The following ARAP2 variants were observed in gnomAD, a reference collection of about 807,000 sequenced individuals.
The protein encoded by ARAP2 is ArfGAP with RhoGAP domain, ankyrin repeat and PH domain 2.
Under a neutral mutation model 194.5 loss-of-function variants are expected in ARAP2, and 148 were observed. The observed-to-expected ratio is 0.76, with a 90% CI of 0.67 to 0.87. ARAP2 has a LOEUF of 0.87. Among genes scored for constraint, ARAP2 ranks in the 40% least tolerant of loss-of-function variants. ARAP2 has a pLI of 0.00. For missense variants in ARAP2, 2,128 were observed against 1,989.7 expected, an observed-to-expected ratio of 1.07 and a Z score of -1.32; for synonymous variants, 695 against 683.5, an observed-to-expected ratio of 1.02 and a Z score of -0.26.
chr4:36,150,790 C>T, intron 16 of ARAP2, 110 bp downstream of exon 16: 1 of 1,208,486 alleles, frequency 8.3e-7, no homozygotes, highest in South Asian at 1.4e-5. Context: ...AACCATTCAA[C>T]CCTTCTATTA....
rs759660386 is a variant in ARAP2 at position 36,160,635 on chromosome 4, T to C, written c.2266A>G (p.Ile756Val). The C allele has an allele frequency of 2.8e-6, 4 of 1,412,040 alleles. No homozygotes were observed. The East Asian group carries it at 1.1e-4, about 39-fold the overall frequency. 87.5% of individuals were successfully genotyped at this position (1,412,040 alleles called of 1,614,324 possible). Reference protein sequence around the residue: ...IWSNELIELFIVIGNKRANDF... With the variant: ...IWSNELIELFVVIGNKRANDF... ...TTTGCTCTTTTGTTTCCAATGACAA[T>C]AAAAAGCTGAATTGTCAAAAAAAAA... Residue 756 changes from isoleucine to valine, a missense_variant, in exon 13 of 33, where the codon ATT becomes GTT. Ile to Val is a conservative substitution (Grantham distance 29). Transcript: ENST00000303965.
In ARAP2 at chr4:36,095,858, G is replaced by C. The variant is rs1256297405; in HGVS notation, c.4286-3838C>G. On this transcript the variant is annotated intron_variant, in intron 27 of 32. Transcript: ENST00000303965. ...CAAATAGCCATGATATGGTCATTATGCTGTCAGCTTCTGCTTTTCCTGTAA... is the reference window on the plus strand; with the variant it reads ...CAAATAGCCATGATATGGTCATTATCCTGTCAGCTTCTGCTTTTCCTGTAA... Among the ~76,000 whole-genome samples, 39 of 152,168 alleles carry C rather than the reference G, an allele frequency of 2.6e-4. 1 individual carries two copies. The highest frequency in any genetic ancestry group is 2.6e-3 in the Admixed American group (39 of 15,254).
At chr4:36,108,561 C>T (rs1051907084) in intron 26 of ARAP2, among the ~76,000 whole-genome samples, 2 of 151,794 alleles carry the variant, frequency 1.3e-5, no homozygotes, top group Non-Finnish European at 1.5e-5. Context: ...CATAATAGGC[C>T]AACTAGCAAG....
chr4:36,082,158 C>T (rs16991902), intron 30 of ARAP2, 93 bp downstream of exon 30: 48 of 1,190,138 alleles, frequency 4.0e-5, no homozygotes, highest in South Asian at 7.0e-5. Context: ...AAACACTTTC[C>T]GTCTGTAGTT....
intron 6 of ARAP2, among the ~76,000 whole-genome samples, chr4:36,207,069 T>C (rs537266422): frequency 1.3e-5 from 2 of 152,324 alleles, no homozygotes; most frequent in South Asian, 2.1e-4. Context: ...AATTTATGCA[T>C]CTCCTCGAAG....
At chr4:36,128,376 C>T (rs1724470595) in intron 21 of ARAP2, among the ~76,000 whole-genome samples, 157 bp downstream of exon 21, 1 of 151,748 alleles carries the variant, frequency 6.6e-6, no homozygotes, top group Admixed American at 6.6e-5. Context: ...TTTCTGTTAT[C>T]AGCCATTATG....
intron 31 of ARAP2, among the ~76,000 whole-genome samples, chr4:36,077,318 A>G (rs1156280809): frequency 6.6e-6 from 1 of 152,074 alleles, no homozygotes; most frequent in Non-Finnish European, 1.5e-5. Flanking sequence ...TAAATCAGAC[A>G]CAACCTCCTC....
chr4:36,036,067 G>A (rs1719869843), intron 5 of ARAP2, among the ~76,000 whole-genome samples: 1 of 152,086 alleles, frequency 6.6e-6, no homozygotes, highest in South Asian at 2.1e-4. Flanking sequence ...TGCAAAGCAA[G>A]TCCATTTTTG....
chr4:36,217,294 C>T (rs1337886580), intron 2 of ARAP2, among the ~76,000 whole-genome samples: 2 of 152,132 alleles, frequency 1.3e-5, no homozygotes, highest in African/African-American at 2.4e-5. Context: ...GGCAGATCAC[C>T]GGAGGCCAGG....
chr4:36,119,585 T>C (rs1577957101), intron 24 of ARAP2, 65 bp downstream of exon 24: 3 of 1,172,124 alleles, frequency 2.6e-6, no homozygotes, highest in Non-Finnish European at 3.7e-6. Context: ...ACAGCAAATG[T>C]CTTTACTTAC....
At chr4:36,148,579 C>A in intron 16 of ARAP2, 72 bp from the exon 17 acceptor site, 1 of 1,047,672 alleles carries the variant, frequency 9.5e-7, no homozygotes, top group Non-Finnish European at 1.4e-6. Context: ...ACACAAAGGT[C>A]ATGTTTTTAA....
chr4:36,087,427 T>C lies in ARAP2; in HGVS notation c.4426-3977A>G, dbSNP rs16991909. ...TTCCACAACTTGAGGTCACTGTTATTAAAAAATGTGTTCAGTATCCTTAAA... is the reference window on the plus strand; with the variant it reads ...TTCCACAACTTGAGGTCACTGTTATCAAAAAATGTGTTCAGTATCCTTAAA... On this transcript the variant is annotated intron_variant, in intron 28 of 32. Transcript: ENST00000303965. Among the ~76,000 whole-genome samples, 1,075 of 152,200 alleles carry C rather than the reference T, an allele frequency of 7.1e-3. 15 individuals carry two copies. The highest frequency in any genetic ancestry group is 0.024 in the African/African-American group (1,007 of 41,560).
chr4:36,014,778 T>C (rs1319140919), intron 8 of ARAP2, among the ~76,000 whole-genome samples: 2 of 152,284 alleles, frequency 1.3e-5, no homozygotes, highest in East Asian at 3.9e-4. Flanking sequence ...CCCTTAGGAA[T>C]AATTAAGTTT....
intron 2 of ARAP2, among the ~76,000 whole-genome samples, chr4:36,052,440 T>G (rs982643405): frequency 6.6e-6 from 1 of 152,216 alleles, no homozygotes; most frequent in African/African-American, 2.4e-5. Flanking sequence ...GCTTTCAGTA[T>G]TATGAACAGT....
At chr4:36,227,344 A>C (rs1750554255) in intron 2 of ARAP2, among the ~76,000 whole-genome samples, 1 of 152,196 alleles carries the variant, frequency 6.6e-6, no homozygotes, top group African/African-American at 2.4e-5. Context: ...TGGTTAATAC[A>C]TGACACTATA....
At chr4:36,014,224 C>CGGAAGAAAGAAAGAAAGAAGGAAA (rs1392259044) in intron 8 of ARAP2, among the ~76,000 whole-genome samples, 1 of 61,696 alleles carries the variant, frequency 1.6e-5, no homozygotes, top group African/African-American at 6.1e-5. Flanking sequence ...GAGACCCTAT[C>CGGAAGAAAGAAAGAAAGAAGGAAA]GAAAGAAAGA....
intron 14 of ARAP2, 135 bp from the exon 15 acceptor site, chr4:36,158,999 TTA>T: frequency 1.2e-6 from 1 of 867,200 alleles, no homozygotes; most frequent in Non-Finnish European, 1.6e-6. Flanking sequence ...ACAGAGATAC[TTA>T]TTTTACTTTG....
intron 15 of ARAP2, among the ~76,000 whole-genome samples, chr4:36,153,041 A>T (rs1731385140): frequency 6.6e-6 from 1 of 152,258 alleles, no homozygotes; most frequent in African/African-American, 2.4e-5. Context: ...GTGACTGCAG[A>T]TCTCATTATG....
chr4:36,094,722 C>A (rs1188756496), intron 27 of ARAP2, among the ~76,000 whole-genome samples: 1 of 152,102 alleles, frequency 6.6e-6, no homozygotes, highest in Non-Finnish European at 1.5e-5. Context: ...AGAATCACCT[C>A]TAGTGTATGT....
Sources: gnomAD v4.1 joint callset for allele counts (sites outside exome capture counted in the v4.1 genomes callset) on GRCh38, gnomAD v4.1.1 for gene constraint, MANE v1.5 for transcripts, NCBI Gene and HGNC (gene_info 2026-07-23, HGNC 2026-07-21) for gene names.